The following DENND1A variants were observed in gnomAD, a reference collection of about 807,000 sequenced individuals.
DENND1A encodes the protein DENN domain containing 1A.
DENND1A carries 51 observed loss-of-function variants against 113.7 expected under a neutral mutation model. The observed-to-expected ratio is 0.45, with a 90% CI of 0.36 to 0.57. The LOEUF (loss-of-function observed/expected upper bound fraction) is 0.57, where lower values mean the gene tolerates loss of function less well. Among genes scored for constraint, DENND1A ranks in the 20% least tolerant of loss-of-function variants. The probability of loss-of-function intolerance (pLI) is 0.00; values close to 1 mark genes in which losing one functional copy is unlikely to be tolerated. For synonymous variants in DENND1A, 565 were observed against 570.8 expected (o/e 0.99, Z 0.14); for missense variants, 1,258 against 1,395.9 (o/e 0.90, Z 1.57).
chr9:123,480,247 C>T (rs1242270315), intron 13 of DENND1A, among the ~76,000 whole-genome samples: 1 of 152,146 alleles, frequency 6.6e-6, no homozygotes, highest in African/African-American at 2.4e-5. Flanking sequence ...CCCTGTGTCT[C>T]GACACTCCCG....
intron 13 of DENND1A, among the ~76,000 whole-genome samples, chr9:123,509,365 T>C (rs1251602142): frequency 3.3e-5 from 5 of 152,178 alleles, no homozygotes; most frequent in African/African-American, 1.2e-4. Context: ...TCTTCTAAAT[T>C]GCCACTTGCT....
intron 11 of DENND1A, among the ~76,000 whole-genome samples, chr9:123,591,937 C>T (rs754426380): frequency 6.6e-6 from 1 of 152,170 alleles, no homozygotes; most frequent in Non-Finnish European, 1.5e-5. Context: ...GTTAACACAG[C>T]GATTAAGACT....
chr9:123,571,610 T>C (rs1239389122), intron 12 of DENND1A, among the ~76,000 whole-genome samples: 1 of 152,280 alleles, frequency 6.6e-6, no homozygotes, highest in Non-Finnish European at 1.5e-5. Flanking sequence ...TCATTCATGT[T>C]GCTTGGTGTA....
chr9:123,643,840 G>A (rs986345662), intron 9 of DENND1A, among the ~76,000 whole-genome samples: 23 of 152,328 alleles, frequency 1.5e-4, no homozygotes, highest in Non-Finnish European at 5.9e-5. Context: ...AGTGTCAGGC[G>A]CACAGACAGG....
intron 3 of DENND1A, among the ~76,000 whole-genome samples, chr9:123,783,850 C>T (rs1418646373): frequency 1.3e-5 from 2 of 152,192 alleles, no homozygotes. Flanking sequence ...TTGGCCATAG[C>T]CATTTCTACA....
At chr9:123,537,182 G>A (rs1343290225) in intron 13 of DENND1A, among the ~76,000 whole-genome samples, 1 of 151,866 alleles carries the variant, frequency 6.6e-6, no homozygotes, top group Non-Finnish European at 1.5e-5. Flanking sequence ...CTAAAAATGA[G>A]GGGATAGAAC....
intron 1 of DENND1A, among the ~76,000 whole-genome samples, chr9:123,883,403 G>A (rs1299099999): frequency 1.3e-5 from 2 of 152,158 alleles, no homozygotes; most frequent in South Asian, 2.1e-4. Context: ...TAAATGATGG[G>A]TGTGATCATC....
intron 5 of DENND1A, among the ~76,000 whole-genome samples, chr9:123,694,748 T>C (rs1243374568): frequency 6.6e-6 from 1 of 152,222 alleles, no homozygotes; most frequent in Admixed American, 6.5e-5. Flanking sequence ...ATGATGTCTC[T>C]TTAGCTCCAA....
At chr9:123,644,633 T>G (rs1220769507) in intron 9 of DENND1A, among the ~76,000 whole-genome samples, 1 of 152,182 alleles carries the variant, frequency 6.6e-6, no homozygotes, top group Non-Finnish European at 1.5e-5. Flanking sequence ...CCAATAGACA[T>G]AACCTGGTTC....
chr9:123,519,004 C>G (rs1174944281), intron 13 of DENND1A, among the ~76,000 whole-genome samples: 2 of 152,216 alleles, frequency 1.3e-5, no homozygotes, highest in Non-Finnish European at 2.9e-5. Context: ...AGCCACTCAC[C>G]TTGCTTGCTA....
At chr9:123,632,555 A>T (rs1390901376) in intron 9 of DENND1A, among the ~76,000 whole-genome samples, 1 of 152,124 alleles carries the variant, frequency 6.6e-6, no homozygotes, top group African/African-American at 2.4e-5. Context: ...CTTTCTGCTC[A>T]TCTTTAACTA....
intron 11 of DENND1A, among the ~76,000 whole-genome samples, chr9:123,588,279 GTC>G: frequency 1.3e-5 from 1 of 78,342 alleles, no homozygotes. Context: ...GTGAAACTCT[GTC>G]TCAAAAAAAA....
intron 16 of DENND1A, among the ~76,000 whole-genome samples, chr9:123,453,022 G>A (rs1212364515): frequency 6.6e-6 from 1 of 152,220 alleles, no homozygotes; most frequent in Non-Finnish European, 1.5e-5. Flanking sequence ...GGAAGGAGGA[G>A]GGAAGGCCTT....
chr9:123,785,415 C>T (rs1831988219), intron 3 of DENND1A, among the ~76,000 whole-genome samples: 1 of 152,042 alleles, frequency 6.6e-6, no homozygotes, highest in Non-Finnish European at 1.5e-5. Flanking sequence ...TAAAAAGCAC[C>T]TTGACATTTG....
chr9:123,567,367 G>C (rs2136252225), intron 12 of DENND1A, among the ~76,000 whole-genome samples: 1 of 152,206 alleles, frequency 6.6e-6, no homozygotes. Flanking sequence ...AGTTACCTTT[G>C]AAAAAACTGA....
At chr9:123,709,327 C>T (rs1195825657) in intron 5 of DENND1A, among the ~76,000 whole-genome samples, 1 of 152,184 alleles carries the variant, frequency 6.6e-6, no homozygotes, top group Non-Finnish European at 1.5e-5. Context: ...GTTCTTTGTT[C>T]TTGTGCCTTT....
chr9:123,639,792 AAAAAAC>A (rs1272541223), intron 9 of DENND1A, among the ~76,000 whole-genome samples: 4 of 150,282 alleles, frequency 2.7e-5, no homozygotes, highest in African/African-American at 7.4e-5. Context: ...AAAAAAAAAA[AAAAAAC>A]AAAAACAAAA....
chr9:123,751,992 A>G (rs1564197711), intron 5 of DENND1A: 1 of 152,236 alleles, frequency 6.6e-6, no homozygotes, highest in African/African-American at 2.4e-5. Flanking sequence ...CCCACCCCAA[A>G]GATTGAGCAG....
rs546257764 is a variant in DENND1A at position 123,473,158 on chromosome 9, G to A, written c.994-15261C>T. On this transcript the variant is annotated intron_variant, in intron 13 of 23. Coordinates refer to ENST00000394215, the MANE Select transcript of DENND1A (RefSeq NM_001352964.2). The stretch of plus-strand genomic sequence containing the variant: ...GCCCCATGCCTGGGTCAGAGCAAGC[G>A]CTCTGATGCTTGTTGCATGAATTAT... 8.9e-4 allele frequency among the ~76,000 whole-genome samples: 135 copies of A among 152,286 alleles called. 2 individuals are homozygous for A. The highest frequency in any genetic ancestry group is 8.8e-3 in the Admixed American group (134 of 15,310).
Sources: allele counts gnomAD v4.1 joint callset (sites outside exome capture counted in the v4.1 genomes callset), GRCh38; gene constraint gnomAD v4.1.1; transcripts MANE v1.5; gene names NCBI Gene and HGNC (gene_info 2026-07-23, HGNC 2026-07-21).